Variants in CUX2 observed in about 807,000 individuals in gnomAD.
CUX2 encodes cut like homeobox 2.
CUX2 carries 40 observed loss-of-function variants against 144.8 expected under a neutral mutation model. That is an observed-to-expected ratio of 0.28 (90% CI 0.21 to 0.36). The LOEUF (loss-of-function observed/expected upper bound fraction) is 0.36, where lower values mean the gene tolerates loss of function less well. CUX2 is among the 10% of genes least tolerant of loss of function. CUX2 has a pLI of 1.00. For missense variants in CUX2, 1,615 were observed against 1,994.0 expected (o/e 0.81, Z 3.62); for synonymous variants, 827 against 875.6 (o/e 0.94, Z 0.98).
chr12:111,202,738 A>G (rs1880673229), intron 1 of CUX2, among the ~76,000 whole-genome samples: 1 of 152,122 alleles, frequency 6.6e-6, no homozygotes, highest in Non-Finnish European at 1.5e-5. Context: ...GTGACTACAT[A>G]AATGTGTCAA....
chr12:111,063,530 C>G (rs890637064), intron 1 of CUX2, among the ~76,000 whole-genome samples: 2 of 152,236 alleles, frequency 1.3e-5, no homozygotes, highest in African/African-American at 4.8e-5. Context: ...CCCACAGCCC[C>G]GGCAAAGGTT....
intron 1 of CUX2, among the ~76,000 whole-genome samples, chr12:111,063,868 T>C (rs1870911025): frequency 1.3e-5 from 2 of 152,216 alleles, no homozygotes; most frequent in South Asian, 4.1e-4. Context: ...TGAGTAAATA[T>C]TGCTCATTGT....
At chr12:111,299,869 C>T (rs768519073) in intron 9 of CUX2, among the ~76,000 whole-genome samples, 7 of 152,216 alleles carry the variant, frequency 4.6e-5, no homozygotes, top group East Asian at 1.9e-4. Context: ...CACAAGCCCA[C>T]GAATATATCT....
At position 111,320,346 on chromosome 12, in the gene CUX2, C is replaced by A; in HGVS notation, c.2337C>A (p.Ile779=). The change falls in exon 17 of 22, where the codon ATC becomes ATA. Residue 779 remains isoleucine, a synonymous_variant. Coordinates refer to ENST00000261726, the MANE Select transcript of CUX2 (RefSeq NM_015267.4). The surrounding 1 kb of genome is among the most constrained non-coding windows in gnomAD (Gnocchi z 8.1). ...TCATCCGCAAGGTCAAGTCCGAGATCGGCGACGCCGGCTACTTCGACCACC... is the reference window on the plus strand; with the variant it reads ...TCATCCGCAAGGTCAAGTCCGAGATAGGCGACGCCGGCTACTTCGACCACC... ...QSIIRKVKSE[I]GDAGYFDHHW... is the part of the protein sequence containing the mutation. 1 of 1,598,148 alleles carries A rather than the reference C, an allele frequency of 6.3e-7. No individual in the cohort carries two copies.
At position 111,039,666 on chromosome 12, in the gene CUX2, G is replaced by A. The variant is rs969470835; in HGVS notation, c.63+5426G>A. Among the ~76,000 whole-genome samples, 1 of 152,120 alleles carries A rather than the reference G, an allele frequency of 6.6e-6. No homozygotes were observed. Among genetic ancestry groups the A allele is most frequent in the Admixed American group, 6.5e-5 (1 of 15,276 alleles). On this transcript the variant is annotated intron_variant, in intron 1 of 21. Transcript: ENST00000261726. This position sits in a 1 kb window ranked among gnomAD's most constrained non-coding sequence, Gnocchi z 4.2. ...GGTTCACGTGATTCCCAAGTAGTTGGAACTATAGGCGCATGCCACCACGCC... is the reference window on the plus strand; with the variant it reads ...GGTTCACGTGATTCCCAAGTAGTTGAAACTATAGGCGCATGCCACCACGCC...
intron 1 of CUX2, among the ~76,000 whole-genome samples, chr12:111,051,247 T>G (rs1347853116): frequency 1.3e-5 from 2 of 152,210 alleles, no homozygotes; most frequent in Non-Finnish European, 2.9e-5. Context: ...TGCCCTCTGT[T>G]CTTGGTTTAT....
chr12:111,082,873 G>A (rs754834387), intron 1 of CUX2, among the ~76,000 whole-genome samples: 4 of 152,168 alleles, frequency 2.6e-5, no homozygotes, highest in South Asian at 2.1e-4. Flanking sequence ...CATGGGTGTC[G>A]TGAAGAGGGG....
At chr12:111,248,078 T>G (rs556618464) in intron 3 of CUX2, among the ~76,000 whole-genome samples, 1 of 152,262 alleles carries the variant, frequency 6.6e-6, no homozygotes, top group East Asian at 1.9e-4. Flanking sequence ...TTTCCATATT[T>G]TTAGTAGAGA....
chr12:111,171,449 G>T lies in CUX2; in HGVS notation c.64-42751G>T, dbSNP rs1878517393. On this transcript the variant is annotated intron_variant, in intron 1 of 21. Coordinates refer to ENST00000261726, the MANE Select transcript of CUX2 (RefSeq NM_015267.4). The surrounding 1 kb of genome is among the most constrained non-coding windows in gnomAD (Gnocchi z 5.0). ...GTTTCTTATGCACCAGTGGGAGTGG[G>T]TCTCTCTCTGACCCAATGCAAGCAG... Among the ~76,000 whole-genome samples the T allele has an allele frequency of 1.3e-5, 2 of 152,162 alleles. No individual in the cohort carries two copies. Among genetic ancestry groups the T allele is most frequent in the Non-Finnish European group, 2.9e-5 (2 of 68,030 alleles).
chr12:111,307,067 C>G lies in CUX2; in HGVS notation c.1005C>G (p.Ile335Met). 6.2e-7 allele frequency: 1 copy of G among 1,613,344 alleles called. No homozygotes were observed. The highest frequency in any genetic ancestry group is 8.5e-7 in the Non-Finnish European group (1 of 1,179,476). The stretch of plus-strand genomic sequence containing the variant: ...TGGAGGAGGCATCCGCCAACCAGAT[C>G]GCCGACCTGGAGCGGCAGCTCACGG... ...QELEEASANQ[I>M]ADLERQLTAK... Residue 335 changes from isoleucine to methionine, a missense_variant, in exon 11 of 22, where the codon ATC (isoleucine) becomes ATG (methionine). Ile to Met is a conservative substitution (Grantham distance 10, BLOSUM62 1). Around this residue, in one of 12 missense-constraint regions of CUX2, gnomAD observed 295 missense variants for 400.2 expected, o/e 0.74. Coordinates refer to ENST00000261726, the MANE Select transcript of CUX2 (RefSeq NM_015267.4). This position sits in a 1 kb window ranked among gnomAD's most constrained non-coding sequence, Gnocchi z 4.1.
At chr12:111,102,896 T>G (rs964487768) in intron 1 of CUX2, among the ~76,000 whole-genome samples, 2 of 152,234 alleles carry the variant, frequency 1.3e-5, no homozygotes, top group African/African-American at 2.4e-5. Flanking sequence ...ATTACTATTG[T>G]TACTATCTTA....
intron 1 of CUX2, among the ~76,000 whole-genome samples, chr12:111,045,053 C>T (rs1483812443): frequency 6.6e-6 from 1 of 152,212 alleles, no homozygotes; most frequent in African/African-American, 2.4e-5. Context: ...TCCCTACAGC[C>T]TGTGAGATGG....
At chr12:111,294,904 GA>G (rs964172116) in intron 6 of CUX2, among the ~76,000 whole-genome samples, 3 of 149,618 alleles carry the variant, frequency 2.0e-5, no homozygotes, top group Admixed American at 6.7e-5. Flanking sequence ...TCTCAAAAAA[GA>G]AAAAAAAAGA....
chr12:111,118,668 C>T (rs1327846071), intron 1 of CUX2, among the ~76,000 whole-genome samples: 1 of 152,214 alleles, frequency 6.6e-6, no homozygotes, highest in Admixed American at 6.5e-5. Flanking sequence ...GAGGCTGCTG[C>T]ATTGGGACAA....
At chr12:111,328,297 G>A (rs1887910920) in intron 18 of CUX2, among the ~76,000 whole-genome samples, 2 of 152,270 alleles carry the variant, frequency 1.3e-5, no homozygotes, top group South Asian at 2.1e-4. Flanking sequence ...CCACTGGGGC[G>A]GGCAGGGACC....
intron 1 of CUX2, among the ~76,000 whole-genome samples, chr12:111,091,842 C>G (rs1003892250): frequency 1.3e-5 from 2 of 152,176 alleles, no homozygotes; most frequent in Non-Finnish European, 2.9e-5. Flanking sequence ...AGGATCTTGC[C>G]TCCATCACCA....
intron 1 of CUX2, among the ~76,000 whole-genome samples, chr12:111,146,862 G>A (rs1001198148): frequency 2.0e-5 from 3 of 152,148 alleles, no homozygotes; most frequent in African/African-American, 4.8e-5. Context: ...GGCCAGGTGC[G>A]GTGGCTGACA....
intron 1 of CUX2, among the ~76,000 whole-genome samples, chr12:111,143,708 C>T (rs911961590): frequency 2.0e-5 from 3 of 152,208 alleles, no homozygotes; most frequent in African/African-American, 4.8e-5. Flanking sequence ...GAGGCCTCGC[C>T]GCCTGATGCC....
At chr12:111,237,024 C>G (rs892837302) in intron 3 of CUX2, among the ~76,000 whole-genome samples, 1 of 152,164 alleles carries the variant, frequency 6.6e-6, no homozygotes, top group African/African-American at 2.4e-5. Flanking sequence ...TGACATGTGC[C>G]TGTAGTCCTA....
Sources: gnomAD v4.1 joint callset for allele counts (sites outside exome capture counted in the v4.1 genomes callset) on GRCh38, gnomAD v4.1.1 for gene constraint, gnomAD v4.1.1 regional missense constraint, Gnocchi (gnomAD v3.1) non-coding constraint, MANE v1.5 for transcripts, NCBI Gene and HGNC (gene_info 2026-07-23, HGNC 2026-07-21) for gene names.